PRKCE: variants seen among roughly 807,000 people sequenced by gnomAD.
PRKCE encodes protein kinase C epsilon type.
A neutral mutation model predicts 85.4 loss-of-function variants in PRKCE; 16 were observed. The ratio of observed to expected loss-of-function variants is 0.19; its 90% CI spans 0.13 to 0.28. PRKCE has a LOEUF of 0.28. Ranked by LOEUF, PRKCE falls within the 10% of genes least tolerant of loss-of-function variation. The pLI, the probability that PRKCE is intolerant of heterozygous loss-of-function variation, is 1.00. For missense variants in PRKCE, 573 were observed against 975.2 expected (o/e 0.59, Z 5.49); for synonymous variants, 388 against 371.5 (o/e 1.04, Z -0.51).
At chr2:45,653,870 A>G (rs943188270) in intron 1 of PRKCE, among the ~76,000 whole-genome samples, 4 of 152,176 alleles carry the variant, frequency 2.6e-5, no homozygotes, top group Non-Finnish European at 4.4e-5. Context: ...ATTCTATTCT[A>G]CTTCACAGAT....
intron 9 of PRKCE, 71 bp downstream of exon 9, chr2:46,007,732 A>G (rs1705329017): frequency 6.7e-7 from 1 of 1,491,222 alleles, no homozygotes; most frequent in South Asian, 1.2e-5. Context: ...TGTTTGATCT[A>G]AGATTGAGAG....
intron 7 of PRKCE, among the ~76,000 whole-genome samples, chr2:46,003,011 G>C (rs909381703): frequency 6.6e-6 from 1 of 152,186 alleles, no homozygotes; most frequent in Non-Finnish European, 1.5e-5. Flanking sequence ...CTTGGATTTG[G>C]AAGAACCAAC....
At chr2:46,084,612 C>T (rs2103880905) in intron 10 of PRKCE, among the ~76,000 whole-genome samples, 1 of 150,952 alleles carries the variant, frequency 6.6e-6, no homozygotes, top group South Asian at 2.1e-4. Context: ...ATCCCAGCTA[C>T]TCAGGAGTCT....
intron 10 of PRKCE, among the ~76,000 whole-genome samples, chr2:46,042,360 T>G (rs961960820): frequency 6.6e-6 from 1 of 152,254 alleles, no homozygotes; most frequent in Non-Finnish European, 1.5e-5. Flanking sequence ...TAGTTTCTCC[T>G]GTTTGCTTAT....
intron 11 of PRKCE, among the ~76,000 whole-genome samples, chr2:46,088,769 A>T (rs1318549355): frequency 6.6e-6 from 1 of 152,168 alleles, no homozygotes; most frequent in Non-Finnish European, 1.5e-5. Context: ...ATTTCTTGAG[A>T]TGCCTTCCCC....
chr2:45,751,140 G>T (rs1683525511), intron 1 of PRKCE, among the ~76,000 whole-genome samples: 1 of 152,076 alleles, frequency 6.6e-6, no homozygotes, highest in South Asian at 2.1e-4. Flanking sequence ...CCTCTTTTGG[G>T]AATGACCTTC....
intron 1 of PRKCE, among the ~76,000 whole-genome samples, chr2:45,743,720 AAGC>A (rs1246923255): frequency 6.6e-6 from 1 of 152,138 alleles, no homozygotes; most frequent in African/African-American, 2.4e-5. Context: ...ACCTTGCCCT[AAGC>A]AGGAGGTTTT....
intron 2 of PRKCE, among the ~76,000 whole-genome samples, chr2:45,938,232 T>C (rs1455038643): frequency 6.6e-6 from 1 of 152,112 alleles, no homozygotes; most frequent in Admixed American, 6.6e-5. Flanking sequence ...TTTAGCCCCT[T>C]GGAGAGGTGG....
At chr2:45,871,862 T>C (rs1240417246) in intron 2 of PRKCE, among the ~76,000 whole-genome samples, 1 of 152,112 alleles carries the variant, frequency 6.6e-6, no homozygotes, top group Non-Finnish European at 1.5e-5. Context: ...GAGTTTGATG[T>C]CTGGGGTCTG....
At chr2:45,747,325 A>G (rs914888056) in intron 1 of PRKCE, among the ~76,000 whole-genome samples, 1 of 152,130 alleles carries the variant, frequency 6.6e-6, no homozygotes, top group Non-Finnish European at 1.5e-5. Context: ...TTACCTTGCA[A>G]ATCTGAAACC....
intron 1 of PRKCE, among the ~76,000 whole-genome samples, chr2:45,795,482 A>G (rs1558680412): frequency 1.3e-5 from 2 of 151,716 alleles, no homozygotes; most frequent in South Asian, 2.1e-4. Flanking sequence ...CTAATTTTGT[A>G]TTTTTTTAGT....
intron 1 of PRKCE, among the ~76,000 whole-genome samples, chr2:45,657,820 G>T (rs763905379): frequency 2.6e-5 from 4 of 152,162 alleles, no homozygotes; most frequent in Non-Finnish European, 5.9e-5. Context: ...GAGAGGTTAG[G>T]CTCTGAGGCC....
chr2:45,656,067 G>A lies in PRKCE; in HGVS notation c.348+3619G>A, dbSNP rs890691818. On this transcript the variant is annotated intron_variant, in intron 1 of 14. Transcript: ENST00000306156. ...AGCAGGACAGAAACTGAGTGTACCT[G>A]TCAGAAAGGAGTGGGCAGGACAAGG... Among the ~76,000 whole-genome samples, 17 of 152,310 alleles carry A rather than the reference G, an allele frequency of 1.1e-4. No homozygotes were observed. In the Middle Eastern group the frequency reaches 0.02, roughly 183 times the overall value.
rs1675271227 is a variant in PRKCE, at chr2:46,139,165, C to A, written c.1593-5928C>A. On this transcript the variant is annotated intron_variant, in intron 11 of 14. Transcript: ENST00000306156. This position sits in a 1 kb window ranked among gnomAD's most constrained non-coding sequence, Gnocchi z 5.2. ...ATCACCATTATTACTTAGCATTGTT[C>A]TTGAGGTTGCAGTCAACACAATCAG... 6.6e-6 allele frequency among the ~76,000 whole-genome samples: 1 copy of A among 152,136 alleles called. No individual in the cohort carries two copies. Among genetic ancestry groups the A allele is most frequent in the Admixed American group, 6.5e-5 (1 of 15,272 alleles).
At chr2:45,661,374 G>A (rs570136878) in intron 1 of PRKCE, among the ~76,000 whole-genome samples, 1 of 151,812 alleles carries the variant, frequency 6.6e-6, no homozygotes, top group Non-Finnish European at 1.5e-5. Flanking sequence ...GTAGAAACAG[G>A]GTTTCACCAT....
At chr2:45,920,126 C>T (rs1698142464) in intron 2 of PRKCE, among the ~76,000 whole-genome samples, 1 of 152,216 alleles carries the variant, frequency 6.6e-6, no homozygotes, top group African/African-American at 2.4e-5. Context: ...ATAGGAACAA[C>T]TCTTCAATGT....
intron 6 of PRKCE, 31 bp downstream of exon 6, chr2:45,984,711 C>T: frequency 2.5e-6 from 4 of 1,579,952 alleles, no homozygotes; most frequent in Non-Finnish European, 3.4e-6. Context: ...CCCTCAGCCC[C>T]TGCATGTCCC....
At chr2:45,801,637 T>C (rs1687877226) in intron 1 of PRKCE, among the ~76,000 whole-genome samples, 1 of 152,038 alleles carries the variant, frequency 6.6e-6, no homozygotes, top group Admixed American at 6.6e-5. Context: ...GGAAGGAAGA[T>C]GGGGAGTGCA....
intron 1 of PRKCE, among the ~76,000 whole-genome samples, chr2:45,815,243 AT>A (rs535440770): frequency 2.6e-5 from 4 of 151,838 alleles, no homozygotes; most frequent in East Asian, 3.9e-4. Flanking sequence ...CAAGAAAATA[AT>A]TTTTTTTTAC....
Sources: allele counts gnomAD v4.1 joint callset (sites outside exome capture counted in the v4.1 genomes callset), GRCh38; gene constraint gnomAD v4.1.1; non-coding constraint Gnocchi (gnomAD v3.1); transcripts MANE v1.5; gene names NCBI Gene and HGNC (gene_info 2026-07-23, HGNC 2026-07-21).